ALDH4A1: variants seen among roughly 807,000 people sequenced by gnomAD.
The protein encoded by ALDH4A1 is aldehyde dehydrogenase 4 family member A1.
Under a neutral mutation model 70.5 loss-of-function variants are expected in ALDH4A1, and 46 were observed. The ratio of observed to expected loss-of-function variants is 0.65; its 90% CI spans 0.51 to 0.83. ALDH4A1 has a LOEUF of 0.83. Among genes scored for constraint, ALDH4A1 ranks in the 40% least tolerant of loss-of-function variants. ALDH4A1 has a pLI of 0.00. For synonymous variants in ALDH4A1, 323 were observed against 324.3 expected (o/e 1.00, Z 0.04); for missense variants, 749 against 766.5 (o/e 0.98, Z 0.27).
rs775491006 is a variant in ALDH4A1, at chr1:18,883,439, G to A, written c.454-11C>T. On this transcript the variant is annotated splice_polypyrimidine_tract_variant and intron_variant, in intron 5 of 14. Transcript: ENST00000375341. ...GATCACGGTCTTACCCTGCAAGGCA[G>A]AGGGCCGGGGGTCAGGAGCAGCCAA... The A allele has an allele frequency of 6.2e-7, 1 of 1,613,070 alleles. No homozygotes were observed. Among genetic ancestry groups the A allele is most frequent in the South Asian group, 1.1e-5 (1 of 91,076 alleles).
At chr1:18,882,412 G>A (rs1935016418) in intron 7 of ALDH4A1, 1 of 401,510 alleles carries the variant, frequency 2.5e-6, no homozygotes, top group East Asian at 6.5e-5. Flanking sequence ...ACAACTATGT[G>A]GACCTCTCCC....
intron 1 of ALDH4A1, chr1:18,897,297 C>T (rs1935654166): frequency 3.2e-6 from 1 of 315,600 alleles, no homozygotes; most frequent in Non-Finnish European, 6.4e-6. Flanking sequence ...AATCCCAGCG[C>T]TTTGGGAGGC....
chr1:18,874,966 C>T (rs28498975), intron 13 of ALDH4A1, among the ~76,000 whole-genome samples: 9,226 of 152,322 alleles, frequency 0.061, 574 homozygotes, highest in African/African-American at 0.16. Flanking sequence ...ACCAGTGCCA[C>T]GGAGGAAAGA....
At chr1:18,874,713 A>C in intron 13 of ALDH4A1, 132 bp from the exon 14 acceptor site, 1 of 854,528 alleles carries the variant, frequency 1.2e-6, no homozygotes. Flanking sequence ...GGGATGAGGG[A>C]TGCTGCCAGC....
chr1:18,892,708 T>C (rs1935484979), intron 1 of ALDH4A1, among the ~76,000 whole-genome samples: 2 of 150,196 alleles, frequency 1.3e-5, no homozygotes, highest in East Asian at 2.0e-4. Context: ...CCGGTAGCTC[T>C]GCACTCCCCA....
chr1:18,900,819 A>G (rs778106717), intron 1 of ALDH4A1: 8 of 975,448 alleles, frequency 8.2e-6, no homozygotes, highest in South Asian at 4.7e-5. Context: ...TTTCAGTCAT[A>G]TATCTCTGAT....
intron 14 of ALDH4A1, among the ~76,000 whole-genome samples, chr1:18,873,881 G>C (rs879619603): frequency 2.6e-5 from 4 of 152,244 alleles, no homozygotes; most frequent in African/African-American, 4.8e-5. Flanking sequence ...GTCAGACAAG[G>C]TGTGGGTAAC....
At chr1:18,890,307 CA>C in intron 1 of ALDH4A1, 1 of 536,632 alleles carries the variant, frequency 1.9e-6, no homozygotes, top group Non-Finnish European at 3.4e-6. Flanking sequence ...TTTGGGAGAC[CA>C]AGGCGGGCAA....
rs1935205220 is a variant in ALDH4A1 at position 18,886,449 on chromosome 1, C to G, written c.297+15G>C. 6.2e-7 allele frequency: 1 copy of G among 1,613,990 alleles called. No individual in the cohort carries two copies. The highest frequency in any genetic ancestry group is 1.3e-5 in the African/African-American group (1 of 74,924). On this transcript the variant is annotated intron_variant, in intron 4 of 14. Coordinates refer to ENST00000375341, the MANE Select transcript of ALDH4A1 (RefSeq NM_003748.4). The stretch of plus-strand genomic sequence containing the variant: ...AACCCTAACCCCGGGTCACCAGGCA[C>G]ACAGGCTCACTCACCTTGTCTGCAT...
chr1:18,873,847 T>C (rs1192381412), intron 14 of ALDH4A1, among the ~76,000 whole-genome samples: 2 of 152,308 alleles, frequency 1.3e-5, no homozygotes, highest in African/African-American at 2.4e-5. Context: ...GAGGGCATCA[T>C]GGGAGCTTCT....
At chr1:18,876,848 C>T (rs1039803979) in intron 11 of ALDH4A1, among the ~76,000 whole-genome samples, 1 of 152,020 alleles carries the variant, frequency 6.6e-6, no homozygotes, top group Non-Finnish European at 1.5e-5. Flanking sequence ...TCGACATATG[C>T]GTGTGTGTGC....
At position 18,897,279 on chromosome 1, in the gene ALDH4A1, A is replaced by C. The variant is rs184271002; in HGVS notation, c.62+5183T>G. The C allele has an allele frequency of 7.2e-4, 244 of 339,396 alleles. 2 individuals are homozygous for C. The highest frequency in any genetic ancestry group is 5.1e-3 in the African/African-American group (232 of 45,410). 21.0% of individuals were successfully genotyped at this position (339,396 alleles called of 1,614,324 possible). A position where few individuals can be genotyped will look rare whatever the true frequency, so the allele number is the denominator to read the frequency against. On this transcript the variant is annotated intron_variant, in intron 1 of 14. Coordinates refer to ENST00000375341, the MANE Select transcript of ALDH4A1 (RefSeq NM_003748.4). ...CACTTCCGGCCAGGCGCAGTGGCTC[A>C]TGCCTATAATCCCAGCGCTTTGGGA...
At chr1:18,879,697 G>C (rs1016202392) in intron 8 of ALDH4A1, among the ~76,000 whole-genome samples, 6 of 152,154 alleles carry the variant, frequency 3.9e-5, no homozygotes, top group Non-Finnish European at 7.4e-5. Context: ...GACCTGGCAG[G>C]GTTGTTTTGT....
intron 9 of ALDH4A1, among the ~76,000 whole-genome samples, chr1:18,877,917 G>A (rs1443671843): frequency 6.6e-6 from 1 of 152,176 alleles, no homozygotes; most frequent in Admixed American, 6.5e-5. Context: ...CAACAGCAGA[G>A]GACAGATGAG....
intron 1 of ALDH4A1, among the ~76,000 whole-genome samples, chr1:18,894,630 C>T (rs962851418): frequency 5.3e-5 from 8 of 152,164 alleles, no homozygotes; most frequent in Non-Finnish European, 1.0e-4. Flanking sequence ...CTGCAGGCCT[C>T]CCTCCTCCTT....
At position 18,902,539 on chromosome 1, in the gene ALDH4A1, G is replaced by C. The variant is rs1391679874; in HGVS notation, c.-16C>G. On this transcript the variant is annotated 5_prime_UTR_variant, in exon 1 of 15. Coordinates refer to ENST00000375341, the MANE Select transcript of ALDH4A1 (RefSeq NM_003748.4). ...GCAGCAGCATCTCGGGTTAGAAGCGGGGCTGTTCGCTGGATCGTCCGCCCG... is the reference window on the plus strand; with the variant it reads ...GCAGCAGCATCTCGGGTTAGAAGCGCGGCTGTTCGCTGGATCGTCCGCCCG... The C allele has an allele frequency of 8.8e-6, 13 of 1,485,392 alleles. 1 individual carries two copies. Among genetic ancestry groups the C allele is most frequent in the Non-Finnish European group, 1.1e-5 (12 of 1,118,224 alleles). The allele number at this position is 1,485,392 out of a possible 1,614,324, so 92.0% of individuals were successfully genotyped here. A position where few individuals can be genotyped will look rare whatever the true frequency, so the allele number is the denominator to read the frequency against.
intron 5 of ALDH4A1, among the ~76,000 whole-genome samples, chr1:18,884,327 A>G (rs1436520974): frequency 6.6e-6 from 1 of 151,950 alleles, no homozygotes; most frequent in East Asian, 1.9e-4. Context: ...GGGGGCGCTC[A>G]CCATGGGGAC....
intron 3 of ALDH4A1, among the ~76,000 whole-genome samples, chr1:18,887,382 A>G (rs9426724): frequency 0.089 from 13,503 of 152,216 alleles, 953 homozygotes; most frequent in African/African-American, 0.2. Flanking sequence ...GGCGGATCAC[A>G]AGGTCAGGAG....
At position 18,891,072 on chromosome 1, in the gene ALDH4A1, C is replaced by G. The variant is rs148564875; in HGVS notation, c.63-967G>C. 1.7e-4 allele frequency among the ~76,000 whole-genome samples: 26 copies of G among 152,354 alleles called. No individual in the cohort carries two copies. The East Asian group carries it at 5.0e-3, about 29-fold the overall frequency. On this transcript the variant is annotated intron_variant, in intron 1 of 14. Transcript: ENST00000375341. Reference sequence around the variant, plus strand: ...ATCCTCTGACCTCTTTCCACCACCCCCTACCACATCTGAGGGTCACAAGGT... The same window carrying G: ...ATCCTCTGACCTCTTTCCACCACCCGCTACCACATCTGAGGGTCACAAGGT...
Sources: gnomAD v4.1 joint callset for allele counts (sites outside exome capture counted in the v4.1 genomes callset) on GRCh38, gnomAD v4.1.1 for gene constraint, MANE v1.5 for transcripts, NCBI Gene and HGNC (gene_info 2026-07-23, HGNC 2026-07-21) for gene names.